The following CSMD3 variants were observed in gnomAD, a reference collection of about 807,000 sequenced individuals.
The protein encoded by CSMD3 is CUB and sushi domain-containing protein 3.
A neutral mutation model predicts 435.2 loss-of-function variants in CSMD3; 177 were observed. That is an observed-to-expected ratio of 0.41 (90% CI 0.36 to 0.46). The LOEUF (loss-of-function observed/expected upper bound fraction) is 0.46, where lower values mean the gene tolerates loss of function less well. CSMD3 is among the 20% of genes least tolerant of loss of function. The pLI, the probability that CSMD3 is intolerant of heterozygous loss-of-function variation, is 0.34. For synonymous variants in CSMD3, 1,656 were observed against 1,520.5 expected (o/e 1.09, Z -2.07); for missense variants, 4,265 against 4,504.6 (o/e 0.95, Z 1.52).
intron 24 of CSMD3, among the ~76,000 whole-genome samples, chr8:112,571,419 T>C (rs1829505843): frequency 6.6e-6 from 1 of 152,152 alleles, no homozygotes; most frequent in African/African-American, 2.4e-5. Context: ...ATGATCTTAC[T>C]CATTCCAGTC....
At chr8:112,563,082 AAAC>A (rs976172423) in intron 24 of CSMD3, among the ~76,000 whole-genome samples, 1 of 151,910 alleles carries the variant, frequency 6.6e-6, no homozygotes, top group African/African-American at 2.4e-5. Flanking sequence ...TCAAGATAAC[AAAC>A]AACAGCTGCA....
chr8:112,616,912 ATGTGTAAAGTCC>A (rs1276227961), intron 22 of CSMD3, among the ~76,000 whole-genome samples: 2 of 152,184 alleles, frequency 1.3e-5, no homozygotes, highest in African/African-American at 2.4e-5. Flanking sequence ...AAGAGGGAAA[ATGTGTAAAGTCC>A]TGTGTTCAAC....
At chr8:112,557,011 A>G (rs2131227351) in intron 24 of CSMD3, 57 bp from the exon 25 acceptor site, 4 of 1,026,028 alleles carry the variant, frequency 3.9e-6, no homozygotes, top group Non-Finnish European at 6.1e-6. Flanking sequence ...ATTTAAATCT[A>G]TACAAATCAT....
intron 3 of CSMD3, among the ~76,000 whole-genome samples, chr8:113,221,891 C>T (rs1470314747): frequency 2.6e-5 from 4 of 151,206 alleles, no homozygotes; most frequent in Admixed American, 6.6e-5. Context: ...TTTTTATCTC[C>T]CCTTAGTAGA....
At chr8:112,777,852 T>G (rs148673545) in intron 13 of CSMD3, among the ~76,000 whole-genome samples, 10 of 151,968 alleles carry the variant, frequency 6.6e-5, no homozygotes, top group African/African-American at 1.9e-4. Context: ...TGTTGCTTAC[T>G]GATGCCCTGA....
chr8:113,195,552 T>C (rs887371992), intron 3 of CSMD3, among the ~76,000 whole-genome samples: 43 of 150,802 alleles, frequency 2.9e-4, no homozygotes, highest in Non-Finnish European at 5.2e-4. Context: ...AGGAATGCTC[T>C]GTATTTTTAT....
At chr8:112,884,903 T>C (rs570879675) in intron 10 of CSMD3, among the ~76,000 whole-genome samples, 7 of 151,842 alleles carry the variant, frequency 4.6e-5, no homozygotes, top group Admixed American at 1.3e-4. Flanking sequence ...ACCTTTTTTT[T>C]CCAGGACCTT....
chr8:112,666,719 T>C (rs2131710232), intron 16 of CSMD3, among the ~76,000 whole-genome samples: 1 of 152,302 alleles, frequency 6.6e-6, no homozygotes, highest in Admixed American at 6.5e-5. Flanking sequence ...GTCATCTTTG[T>C]ATTCAAAGCT....
At chr8:112,632,592 C>T (rs1455049923) in intron 22 of CSMD3, among the ~76,000 whole-genome samples, 3 of 151,942 alleles carry the variant, frequency 2.0e-5, no homozygotes, top group African/African-American at 4.8e-5. Flanking sequence ...TTCATTAGCT[C>T]GTTGTTTATT....
chr8:113,085,709 T>A (rs1588042629), intron 5 of CSMD3, among the ~76,000 whole-genome samples: 1 of 152,164 alleles, frequency 6.6e-6, no homozygotes. Context: ...CTCACTTATA[T>A]GTGGGAGCTA....
At chr8:113,049,718 C>T (rs576044710) in intron 5 of CSMD3, among the ~76,000 whole-genome samples, 16 of 151,818 alleles carry the variant, frequency 1.1e-4, no homozygotes, top group South Asian at 2.1e-4. Flanking sequence ...GATGGTAGCA[C>T]GTATTAAAAA....
chr8:112,651,409 G>A (rs550728897), intron 18 of CSMD3, among the ~76,000 whole-genome samples: 73 of 152,100 alleles, frequency 4.8e-4, no homozygotes, highest in African/African-American at 6.3e-4. Flanking sequence ...AAGCATATTC[G>A]TTTCATCTAA....
At chr8:112,405,453 A>G (rs1168722671) in intron 35 of CSMD3, among the ~76,000 whole-genome samples, 3 of 151,016 alleles carry the variant, frequency 2.0e-5, no homozygotes, top group Non-Finnish European at 4.4e-5. Context: ...CCTACTTTCT[A>G]TATTTTCTAT....
At chr8:113,082,783 G>A (rs958405445) in intron 5 of CSMD3, among the ~76,000 whole-genome samples, 32 of 152,022 alleles carry the variant, frequency 2.1e-4, no homozygotes, top group African/African-American at 7.5e-4. Flanking sequence ...ATATCCTATA[G>A]TTGAGAAATA....
At chr8:113,421,028 A>T (rs932737245) in intron 1 of CSMD3, among the ~76,000 whole-genome samples, 4 of 152,178 alleles carry the variant, frequency 2.6e-5, no homozygotes, top group African/African-American at 9.6e-5. Flanking sequence ...AAATAAATAT[A>T]ACTGACATTA....
chr8:112,884,445 C>T (rs1215253238), intron 10 of CSMD3, among the ~76,000 whole-genome samples: 2 of 151,712 alleles, frequency 1.3e-5, no homozygotes, highest in African/African-American at 4.8e-5. Context: ...CTCCACACTA[C>T]TGACATTTTG....
At chr8:112,382,487 ACAAGTCCATTTAAAAATCTCTT>A (rs1489709888) in intron 37 of CSMD3, among the ~76,000 whole-genome samples, 1 of 152,078 alleles carries the variant, frequency 6.6e-6, no homozygotes, top group Non-Finnish European at 1.5e-5. Context: ...AATTGGTTCC[ACAAGTCCATTTAAAAATCTCTT>A]AAAAGCTTAA....
intron 13 of CSMD3, among the ~76,000 whole-genome samples, chr8:112,703,518 A>C (rs541935940): frequency 4.6e-5 from 7 of 152,300 alleles, no homozygotes; most frequent in African/African-American, 1.7e-4. Flanking sequence ...TTTTAAATTC[A>C]ATCAGATTTC....
At chr8:113,042,621 A>T (rs1291987668) in intron 5 of CSMD3, among the ~76,000 whole-genome samples, 1 of 152,084 alleles carries the variant, frequency 6.6e-6, no homozygotes, top group Non-Finnish European at 1.5e-5. Flanking sequence ...CCCTAGATTT[A>T]TGTGTCTTTT....
Sources: gnomAD v4.1 joint callset for allele counts (sites outside exome capture counted in the v4.1 genomes callset) on GRCh38, gnomAD v4.1.1 for gene constraint, MANE v1.5 for transcripts, NCBI Gene and HGNC (gene_info 2026-07-23, HGNC 2026-07-21) for gene names.